SNTG2: variants seen among roughly 807,000 people sequenced by gnomAD.
SNTG2 encodes the protein syntrophin gamma 2.
A neutral mutation model predicts 70.9 loss-of-function variants in SNTG2; 74 were observed. The observed-to-expected ratio is 1.04, with a 90% confidence interval of 0.86 to 1.27. The LOEUF is 1.27. Ranked by LOEUF, SNTG2 falls within the 50% of genes most tolerant of loss-of-function variation. The probability of loss-of-function intolerance (pLI) is 0.00; values close to 1 mark genes in which losing one functional copy is unlikely to be tolerated. For synonymous variants in SNTG2, 278 were observed against 273.8 expected, an observed-to-expected ratio of 1.02 and a Z score of -0.15; for missense variants, 717 against 690.7, an observed-to-expected ratio of 1.04 and a Z score of -0.43.
At chr2:1,338,706 A>G (rs1037950929) in intron 16 of SNTG2, among the ~76,000 whole-genome samples, 1 of 152,166 alleles carries the variant, frequency 6.6e-6, no homozygotes, top group Admixed American at 6.5e-5. Context: ...GTACCAGAAC[A>G]TTCTTTTTTA....
Position 1,267,375 on chromosome 2 carries a change from C to T in SNTG2, c.1088C>T (p.Thr363Ile). Residue 363 changes from threonine to isoleucine, a missense_variant, in exon 14 of 17, where the codon ACA becomes ATA. Physicochemically the swap from Thr to Ile is moderately conservative, Grantham distance 89. Coordinates refer to ENST00000308624, the MANE Select transcript of SNTG2 (RefSeq NM_018968.4). Reference protein sequence around the residue: ...VLFKVHKFWLTEDCWLQANLY... With the variant: ...VLFKVHKFWLIEDCWLQANLY... The stretch of plus-strand genomic sequence containing the variant: ...TGCTCTGTTTTTCAGTTCTGGCTCA[C>T]AGAGGACTGCTGGTTGCAAGCAAAC... 1 of 1,600,456 alleles carries T rather than the reference C, an allele frequency of 6.2e-7. No homozygotes were observed. The highest frequency in any genetic ancestry group is 8.5e-7 in the Non-Finnish European group (1 of 1,172,838).
At chr2:1,018,302 G>A (rs1659975080) in intron 1 of SNTG2, among the ~76,000 whole-genome samples, 1 of 152,204 alleles carries the variant, frequency 6.6e-6, no homozygotes, top group Non-Finnish European at 1.5e-5. Context: ...CAGCCCTGGG[G>A]AGCTGAAGGC....
At chr2:1,120,582 G>A (rs1667317788) in intron 4 of SNTG2, among the ~76,000 whole-genome samples, 1 of 152,096 alleles carries the variant, frequency 6.6e-6, no homozygotes, top group South Asian at 2.1e-4. Flanking sequence ...GCAAATGGTA[G>A]CCAAAAGAGA....
intron 1 of SNTG2, among the ~76,000 whole-genome samples, chr2:965,341 G>T (rs1660512478): frequency 1.8e-5 from 2 of 113,462 alleles, no homozygotes; most frequent in Admixed American, 1.8e-4. Flanking sequence ...TCCTCCTCCT[G>T]GTCCCCAGTC....
intron 9 of SNTG2, among the ~76,000 whole-genome samples, chr2:1,221,131 C>G (rs1674732653): frequency 6.6e-6 from 1 of 152,250 alleles, no homozygotes; most frequent in South Asian, 2.1e-4. Context: ...CAACTCACTT[C>G]TCTAGGCTCC....
At chr2:1,278,350 G>A (rs950326970) in intron 14 of SNTG2, among the ~76,000 whole-genome samples, 5 of 152,108 alleles carry the variant, frequency 3.3e-5, no homozygotes, top group Non-Finnish European at 7.3e-5. Flanking sequence ...TGCTAATGAC[G>A]TATGTTGTTA....
At position 1,209,192 on chromosome 2, in the gene SNTG2, T is replaced by A; in HGVS notation, c.681T>A (p.Ala227=). ...CCTTGTCCGTGCCTCTGTCCATGGC[T>A]CGCATCTCAAGGTACAAAGCCGGAA... is the stretch of plus-strand genomic sequence containing the variant. ...LDTLSVPLSM[A]RISRYKAGTE... Residue 227 remains alanine (A), a synonymous_variant, in exon 9 of 17, where the codon GCT becomes GCA. Coordinates refer to ENST00000308624, the MANE Select transcript of SNTG2 (RefSeq NM_018968.4). 1 of 1,613,922 alleles carries A rather than the reference T, an allele frequency of 6.2e-7. No homozygotes were observed. Among genetic ancestry groups the A allele is most frequent in the East Asian group, 2.2e-5 (1 of 44,868 alleles).
rs1049490266 is a variant in SNTG2, at chr2:1,181,354, TG to T, written c.591+8172del. Among the ~76,000 whole-genome samples, 47 of 152,336 alleles carry T rather than the reference TG, an allele frequency of 3.1e-4. No homozygotes were observed. In the Middle Eastern group the frequency reaches 0.01, roughly 33 times the overall value. On this transcript the variant is annotated intron_variant, in intron 8 of 16. Transcript: ENST00000308624. ...AAAACAGATGGTGCAATTTCTTTCT[TG>T]AAAGAGGTGAGTTGGAAACTTTCTA...
intron 2 of SNTG2, 69 bp downstream of exon 2, chr2:1,083,724 TGTG>T: frequency 6.4e-7 from 1 of 1,573,692 alleles, no homozygotes; most frequent in Non-Finnish European, 8.7e-7. Flanking sequence ...CTTTGAAAAG[TGTG>T]GTTCAAGAAT....
chr2:1,181,552 C>T (rs1671900303), intron 8 of SNTG2, among the ~76,000 whole-genome samples: 1 of 152,160 alleles, frequency 6.6e-6, no homozygotes, highest in Non-Finnish European at 1.5e-5. Context: ...CAAGTGGATA[C>T]CTCTGACCCC....
intron 8 of SNTG2, among the ~76,000 whole-genome samples, chr2:1,182,799 C>T (rs1558502988): frequency 1.3e-5 from 2 of 152,174 alleles, no homozygotes; most frequent in Non-Finnish European, 2.9e-5. Context: ...GTTTCCCAGG[C>T]TAGAGTGCAG....
intron 1 of SNTG2, among the ~76,000 whole-genome samples, chr2:1,071,815 G>A (rs1663579562): frequency 6.6e-6 from 1 of 152,106 alleles, no homozygotes; most frequent in Non-Finnish European, 1.5e-5. Context: ...ACACACAAAT[G>A]ATAAGAAAGT....
chr2:1,053,353 A>G (rs1394647514), intron 1 of SNTG2, among the ~76,000 whole-genome samples: 5 of 152,202 alleles, frequency 3.3e-5, no homozygotes, highest in South Asian at 4.1e-4. Context: ...CAAAAATATC[A>G]ATTTTACATT....
rs10178700 is a variant in SNTG2, at chr2:1,010,687, C to G, written c.72+59619C>G. Among the ~76,000 whole-genome samples, 362 of 152,294 alleles carry G rather than the reference C, an allele frequency of 2.4e-3. 3 individuals carry two copies. Among genetic ancestry groups the G allele is most frequent in the African/African-American group, 8.4e-3 (351 of 41,564 alleles). ...GTTGTGGGAGAAAGGATTGTTAGAA[C>G]GTGATTGAAAGCCTGTCCAAGGCCC... On this transcript the variant is annotated intron_variant, in intron 1 of 16. Coordinates refer to ENST00000308624, the MANE Select transcript of SNTG2 (RefSeq NM_018968.4).
In SNTG2 at chr2:1,235,520, G is replaced by A. The variant is rs111238955; in HGVS notation, c.720-2368G>A. Among the ~76,000 whole-genome samples, 260 of 42,930 alleles carry A rather than the reference G, an allele frequency of 6.1e-3. 7 individuals are homozygous for A. The highest frequency in any genetic ancestry group is 7.5e-3 in the Admixed American group (38 of 5,066). 28.2% of individuals were successfully genotyped at this position (42,930 alleles called of 152,430 possible). ...CCCTATTCATGAGAGGGGGGCCCCT[G>A]CCCCACGCTGCCCTGAGGTCCCTGC... On this transcript the variant is annotated intron_variant, in intron 9 of 16. Transcript: ENST00000308624.
At chr2:1,041,483 T>C (rs1195742153) in intron 1 of SNTG2, among the ~76,000 whole-genome samples, 1 of 152,216 alleles carries the variant, frequency 6.6e-6, no homozygotes, top group Non-Finnish European at 1.5e-5. Context: ...CTGCCAAATC[T>C]CAAGTTGAAT....
chr2:1,041,717 A>G (rs1661447938), intron 1 of SNTG2, among the ~76,000 whole-genome samples: 1 of 152,160 alleles, frequency 6.6e-6, no homozygotes, highest in Non-Finnish European at 1.5e-5. Context: ...CCAGAAGCCA[A>G]GCAATGCTGG....
chr2:1,057,190 G>T (rs909426707), intron 1 of SNTG2, among the ~76,000 whole-genome samples: 1 of 152,084 alleles, frequency 6.6e-6, no homozygotes, highest in African/African-American at 2.4e-5. Context: ...GGACTAACAT[G>T]GCACTATTCA....
intron 8 of SNTG2, among the ~76,000 whole-genome samples, chr2:1,186,319 A>G (rs1038219319): frequency 6.6e-5 from 10 of 151,944 alleles, no homozygotes; most frequent in African/African-American, 2.2e-4. Flanking sequence ...TTATTTTCCT[A>G]TTTTCTGCTG....
Sources: gnomAD v4.1 joint callset for allele counts (sites outside exome capture counted in the v4.1 genomes callset) on GRCh38, gnomAD v4.1.1 for gene constraint, MANE v1.5 for transcripts, NCBI Gene and HGNC (gene_info 2026-07-23, HGNC 2026-07-21) for gene names.